The following GK3 variants were observed in gnomAD, a reference collection of about 807,000 sequenced individuals.
GK3 encodes glycerol kinase 3 pseudogene.
the GK3 span, chr4:165,279,663 C>A: frequency 6.2e-7 from 1 of 1,608,210 alleles, no homozygotes; most frequent in Non-Finnish European, 8.5e-7. Context: ...GCTTCAGGTC[C>A]GCCCGCGTTT....
At chr4:165,278,563 G>A in the GK3 span, 4 of 1,610,826 alleles carry the variant, frequency 2.5e-6, no homozygotes, top group Non-Finnish European at 8.5e-7. Flanking sequence ...AAAATGCTGG[G>A]ACGAAGTAGC....
chr4:165,277,865 G>T, the GK3 span: 1 of 793,398 alleles, frequency 1.3e-6, no homozygotes, highest in African/African-American at 1.7e-5. Context: ...CACGCAGCAA[G>T]TGGCTTATAA....
chr4:165,277,857 C>T, the GK3 span: 459 of 776,768 alleles, frequency 5.9e-4, no homozygotes, highest in African/African-American at 6.6e-3. Context: ...TGGAGGGTCA[C>T]GCAGCAAGTG....
At chr4:165,278,957 A>G in the GK3 span, 2 of 1,487,132 alleles carry the variant, frequency 1.3e-6, no homozygotes, top group Non-Finnish European at 9.4e-7. Context: ...AACATGTGGA[A>G]GAATTTCCAT....
chr4:165,279,236 A>C, the GK3 span: 1 of 1,538,564 alleles, frequency 6.5e-7, no homozygotes, highest in Non-Finnish European at 9.0e-7. Context: ...CTTGGACTTG[A>C]CAAAGTTATT....
At chr4:165,278,807 C>T in the GK3 span, 11 of 1,543,042 alleles carry the variant, frequency 7.1e-6, no homozygotes, top group South Asian at 1.1e-4. Context: ...ACATCCTGTT[C>T]CATACGTATT....
chr4:165,277,927 G>A, the GK3 span: 2 of 912,034 alleles, frequency 2.2e-6, no homozygotes, highest in Non-Finnish European at 3.7e-6. Context: ...CAATTGCTGG[G>A]TTGTTCTTTC....
At chr4:165,278,533 A>G in the GK3 span, 78 of 1,609,962 alleles carry the variant, frequency 4.8e-5, no homozygotes, top group Non-Finnish European at 6.3e-5. Context: ...TGGGCTCCCA[A>G]TAAGGTGCAT....
chr4:165,278,882 C>G, the GK3 span: 6 of 1,475,802 alleles, frequency 4.1e-6, no homozygotes, highest in Non-Finnish European at 5.7e-6. Context: ...CCCTAAACAC[C>G]CAGATATTGG....
the GK3 span, chr4:165,279,310 C>T: frequency 6.4e-7 from 1 of 1,553,954 alleles, no homozygotes; most frequent in Non-Finnish European, 8.9e-7. Flanking sequence ...CAAGCCACAC[C>T]ACAGCATTGT....
chr4:165,279,679 C>G, the GK3 span: 12 of 1,567,010 alleles, frequency 7.7e-6, no homozygotes, highest in African/African-American at 1.6e-4. Context: ...CGTTTGCGGC[C>G]GGTTTCCTGG....
chr4:165,278,257 T>G, the GK3 span: 3 of 1,100,426 alleles, frequency 2.7e-6, no homozygotes, highest in Non-Finnish European at 4.2e-6. Context: ...CTGCAGCCCC[T>G]GCCGCCATGG....
the GK3 span, chr4:165,278,924 C>T: frequency 2.8e-6 from 4 of 1,414,080 alleles, no homozygotes; most frequent in Non-Finnish European, 4.0e-6. Flanking sequence ...TTTCATTAGG[C>T]CATAGATCTC....
At chr4:165,278,677 A>G in the GK3 span, 9 of 1,601,654 alleles carry the variant, frequency 5.6e-6, no homozygotes, top group Non-Finnish European at 7.7e-6. Context: ...CACCAGCTAT[A>G]GCTACAGAAC....
At chr4:165,278,235 C>A in the GK3 span, 4 of 1,150,664 alleles carry the variant, frequency 3.5e-6, no homozygotes, top group Non-Finnish European at 5.3e-6. Context: ...AGACTCCATA[C>A]GTCGACTCCT....
the GK3 span, chr4:165,278,784 T>G: frequency 1.3e-6 from 2 of 1,550,192 alleles, no homozygotes; most frequent in Non-Finnish European, 1.8e-6. Context: ...TGGCCTGTAT[T>G]ACATAGTAAG....
At chr4:165,277,822 C>A in the GK3 span, 1 of 663,650 alleles carries the variant, frequency 1.5e-6, no homozygotes, top group Non-Finnish European at 2.7e-6. Context: ...GCTGCATTTT[C>A]TTTATTTTAA....
At chr4:165,279,123 A>G in the GK3 span, 1 of 1,600,880 alleles carries the variant, frequency 6.2e-7, no homozygotes, top group Non-Finnish European at 8.6e-7. Context: ...ATAGTCCCAA[A>G]AAGAGCTCGT....
At chr4:165,277,941 A>G in the GK3 span, 2 of 944,852 alleles carry the variant, frequency 2.1e-6, no homozygotes, top group Non-Finnish European at 1.8e-6. Context: ...TTCTTTCATT[A>G]TGTAAAAAGC....
Sources: allele counts gnomAD v4.1 joint callset, GRCh38; gene constraint gnomAD v4.1.1; transcripts MANE v1.5; gene names NCBI Gene and HGNC (gene_info 2026-07-23, HGNC 2026-07-21).